The following SRP19 variants were observed in gnomAD, a reference collection of about 807,000 sequenced individuals.
SRP19 encodes signal recognition particle 19.
In SRP19, 11 loss-of-function variants were observed where a neutral mutation model predicts 22.4. That is an observed-to-expected ratio of 0.49 (90% CI 0.31 to 0.81). The LOEUF is 0.81. Ranked by LOEUF, SRP19 falls within the 40% of genes least tolerant of loss-of-function variation. SRP19 has a pLI of 0.05. For synonymous variants in SRP19, 61 were observed against 57.6 expected (o/e 1.06, Z -0.27); for missense variants, 168 against 175.9 (o/e 0.96, Z 0.25).
At chr5:112,893,144 T>A, downstream of SRP19, 1 of 766,224 alleles carries the variant, frequency 1.3e-6, no homozygotes, top group Non-Finnish European at 2.0e-6. Context: ...GTATAGTGGC[T>A]CACACCTGTA....
At chr5:112,880,661 T>G (rs1768044186) in intron 4 of SRP19, among the ~76,000 whole-genome samples, 1 of 152,238 alleles carries the variant, frequency 6.6e-6, no homozygotes. Context: ...TTATTTTAAT[T>G]CTCTTGCCCC....
At chr5:112,873,847 G>C (rs556222472), downstream of SRP19, among the ~76,000 whole-genome samples, 8 of 152,056 alleles carry the variant, frequency 5.3e-5, no homozygotes, top group African/African-American at 1.4e-4. Flanking sequence ...TTTTAAGATA[G>C]AAGGACCAAA....
chr5:112,892,150 G>T, exon 5 of SRP19: 1 of 1,614,188 alleles, frequency 6.2e-7, no homozygotes, highest in East Asian at 2.2e-5. Context: ...CAGAGTAATG[G>T]AGAAGGATCG....
chr5:112,862,487 T>A (rs1307537860), intron 1 of SRP19, 21 bp from the exon 2 acceptor site: 4 of 1,609,458 alleles, frequency 2.5e-6, no homozygotes, highest in Non-Finnish European at 3.4e-6. Flanking sequence ...GTGATACCAC[T>A]TATGCTATTG....
At chr5:112,871,362 G>A (rs1767755944), downstream of SRP19, among the ~76,000 whole-genome samples, 1 of 148,798 alleles carries the variant, frequency 6.7e-6, no homozygotes. Context: ...AGGCTAAAGT[G>A]CAGTGGCACA....
intron 4 of SRP19, chr5:112,877,446 T>C (rs1175591692): frequency 1.3e-5 from 2 of 152,216 alleles, no homozygotes; most frequent in Admixed American, 1.3e-4. Flanking sequence ...AATTGCTCTC[T>C]ATAACGATTT....
At chr5:112,893,510 TTTA>T, downstream of SRP19, 1 of 155,858 alleles carries the variant, frequency 6.4e-6, no homozygotes, top group Non-Finnish European at 1.4e-5. Context: ...ATGTTATGAT[TTTA>T]AGCCAGGCCT....
chr5:112,862,304 C>A, intron 1 of SRP19: 1 of 614,078 alleles, frequency 1.6e-6, no homozygotes, highest in Non-Finnish European at 2.9e-6. Flanking sequence ...AGTAGGCCCG[C>A]GGCCAGTCTG....
At chr5:112,889,791 G>A (rs144345260) in intron 4 of SRP19, among the ~76,000 whole-genome samples, 23 of 148,928 alleles carry the variant, frequency 1.5e-4, no homozygotes, top group Non-Finnish European at 3.1e-4. Context: ...AGACTAGCCT[G>A]TGTAACATAG....
At chr5:112,884,778 G>GC (rs1256489844) in intron 4 of SRP19, among the ~76,000 whole-genome samples, 127 of 107,570 alleles carry the variant, frequency 1.2e-3, no homozygotes, top group African/African-American at 5.4e-3. Context: ...TCCAGTCCTT[G>GC]GCCCCCCCCC....
At chr5:112,891,512 A>G in intron 4 of SRP19, 1 of 1,353,654 alleles carries the variant, frequency 7.4e-7, no homozygotes, top group Non-Finnish European at 1.0e-6. Context: ...ATAAGTATGC[A>G]AACAAAACAA....
At chr5:112,883,968 G>A (rs571754570) in intron 4 of SRP19, among the ~76,000 whole-genome samples, 1 of 152,050 alleles carries the variant, frequency 6.6e-6, no homozygotes, top group Non-Finnish European at 1.5e-5. Context: ...AATATATCAA[G>A]AATCTGATAC....
At chr5:112,865,736 G>A (rs891438997) in intron 4 of SRP19, among the ~76,000 whole-genome samples, 1 of 152,050 alleles carries the variant, frequency 6.6e-6, no homozygotes, top group Non-Finnish European at 1.5e-5. Context: ...TGGGACTACA[G>A]GCATGTGCCA....
rs770144660 is a variant in SRP19 at position 112,891,627 on chromosome 5, C to T, written c.*20C>T. ...GGTTAAGAATGTCTGAGGGGTCAGG[C>T]GGTGCTGGCAAGATGGCTGCACTTG... is the stretch of plus-strand genomic sequence containing the variant. On this transcript the variant is annotated 3_prime_UTR_variant, in exon 5 of 5. Transcript: ENST00000391338. The T allele has an allele frequency of 1.9e-5, 30 of 1,589,702 alleles. No individual in the cohort carries two copies. In the South Asian group the frequency reaches 2.4e-4, roughly 13 times the overall value.
Position 112,881,613 on chromosome 5 carries a change from T to C in SRP19, c.302-9990T>C, listed in dbSNP as rs1768077399. 2.0e-5 allele frequency among the ~76,000 whole-genome samples: 3 copies of C among 152,190 alleles called. 1 individual carries two copies. The South Asian group carries it at 6.2e-4, about 32-fold the overall frequency. On this transcript the variant is annotated intron_variant, in intron 4 of 4. Transcript: ENST00000391338. Reference sequence around the variant, plus strand: ...ACAAATGGATCTGGTAGGTGTTGTTTTTGTTCTTCATTGCCACTTTCAGAA... The same window carrying C: ...ACAAATGGATCTGGTAGGTGTTGTTCTTGTTCTTCATTGCCACTTTCAGAA...
At chr5:112,891,624 A>G (rs1768451654) in exon 5 of SRP19, 1 of 1,588,188 alleles carries the variant, frequency 6.3e-7, no homozygotes, top group Non-Finnish European at 8.6e-7. Flanking sequence ...CTGAGGGGTC[A>G]GGCGGTGCTG....
At chr5:112,880,742 A>G (rs1290012893) in intron 4 of SRP19, among the ~76,000 whole-genome samples, 1 of 152,234 alleles carries the variant, frequency 6.6e-6, no homozygotes, top group East Asian at 1.9e-4. Flanking sequence ...CCAAGAGGCT[A>G]AGAAATGTGG....
intron 4 of SRP19, among the ~76,000 whole-genome samples, chr5:112,883,156 TA>T (rs1286581442): frequency 6.6e-6 from 1 of 152,278 alleles, no homozygotes; most frequent in Non-Finnish European, 1.5e-5. Context: ...TTCAGGACCA[TA>T]ATTCCTTCTT....
At chr5:112,882,133 T>C (rs571720938) in intron 4 of SRP19, 1 of 153,592 alleles carries the variant, frequency 6.5e-6, no homozygotes, top group Non-Finnish European at 1.5e-5. Context: ...GATGATCTTC[T>C]AATATCCTGA....
Sources: allele counts gnomAD v4.1 joint callset (sites outside exome capture counted in the v4.1 genomes callset), GRCh38; gene constraint gnomAD v4.1.1; transcripts MANE v1.5; gene names NCBI Gene and HGNC (gene_info 2026-07-23, HGNC 2026-07-21).